LHFPL3: variants seen among roughly 807,000 people sequenced by gnomAD.
LHFPL3 encodes the protein LHFPL tetraspan subfamily member 3, also known as LHFPL tetraspan subfamily member 3 protein.
In LHFPL3, 5 loss-of-function variants were observed where a neutral mutation model predicts 19.3. The observed-to-expected ratio is 0.26, with a 90% CI of 0.14 to 0.54. The LOEUF (loss-of-function observed/expected upper bound fraction) is 0.54. LHFPL3 is among the 20% of genes least tolerant of loss of function. The probability of loss-of-function intolerance (pLI) is 0.94; values close to 1 mark genes in which losing one functional copy is unlikely to be tolerated. For missense variants in LHFPL3, 249 were observed against 307.4 expected (o/e 0.81, Z 1.42); for synonymous variants, 133 against 126.2 (o/e 1.05, Z -0.36).
intron 1 of LHFPL3, among the ~76,000 whole-genome samples, chr7:104,436,928 C>T (rs1458229824): frequency 6.6e-6 from 1 of 152,140 alleles, no homozygotes; most frequent in East Asian, 1.9e-4. Flanking sequence ...TTAGAGGTGA[C>T]ACATACTTTT....
At chr7:104,865,644 A>C (rs1791707017) in intron 2 of LHFPL3, among the ~76,000 whole-genome samples, 1 of 152,200 alleles carries the variant, frequency 6.6e-6, no homozygotes, top group African/African-American at 2.4e-5. Context: ...AAGTTGGAAA[A>C]CACTCTGCAG....
chr7:104,392,872 A>T (rs1451874829), intron 1 of LHFPL3, among the ~76,000 whole-genome samples: 3 of 152,120 alleles, frequency 2.0e-5, no homozygotes, highest in Non-Finnish European at 4.4e-5. Flanking sequence ...CGAGCCTGTT[A>T]TTGGTCTATT....
intron 1 of LHFPL3, among the ~76,000 whole-genome samples, chr7:104,625,440 A>T (rs772643927): frequency 1.2e-4 from 19 of 152,216 alleles, no homozygotes; most frequent in Non-Finnish European, 2.4e-4. Flanking sequence ...CCTCCCACTC[A>T]TGGGCACAAG....
At chr7:104,492,983 G>A (rs1200808800) in intron 1 of LHFPL3, among the ~76,000 whole-genome samples, 1 of 152,076 alleles carries the variant, frequency 6.6e-6, no homozygotes, top group African/African-American at 2.4e-5. Context: ...AAACTTCACT[G>A]TATCTTTCAA....
chr7:104,693,777 G>A (rs1365659446), intron 1 of LHFPL3, among the ~76,000 whole-genome samples: 3 of 143,194 alleles, frequency 2.1e-5, no homozygotes, highest in Admixed American at 7.1e-5. Context: ...CCGCCACCAC[G>A]CCCTGCTAAT....
At chr7:104,530,893 G>A (rs140754391) in intron 1 of LHFPL3, among the ~76,000 whole-genome samples, 164 of 152,282 alleles carry the variant, frequency 1.1e-3, no homozygotes, top group African/African-American at 3.5e-3. Context: ...AGTAATTTAT[G>A]TACACGATAT....
At chr7:104,763,996 T>C (rs1794416297) in intron 2 of LHFPL3, among the ~76,000 whole-genome samples, 1 of 152,212 alleles carries the variant, frequency 6.6e-6, no homozygotes, top group African/African-American at 2.4e-5. Context: ...GCTGTTTGGC[T>C]CTTAATCTGT....
intron 1 of LHFPL3, among the ~76,000 whole-genome samples, chr7:104,536,179 G>T (rs1489046014): frequency 6.6e-6 from 1 of 152,156 alleles, no homozygotes; most frequent in Non-Finnish European, 1.5e-5. Context: ...AGAAGGCATG[G>T]AAGTATATAG....
intron 2 of LHFPL3, among the ~76,000 whole-genome samples, chr7:104,827,045 C>T (rs1790837578): frequency 6.6e-6 from 1 of 151,920 alleles, no homozygotes; most frequent in African/African-American, 2.4e-5. Context: ...GACCCCATCA[C>T]CTATTTTTGC....
At chr7:104,747,751 C>G (rs562593035) in intron 2 of LHFPL3, among the ~76,000 whole-genome samples, 1 of 152,110 alleles carries the variant, frequency 6.6e-6, no homozygotes, top group African/African-American at 2.4e-5. Flanking sequence ...CCACAGCAAG[C>G]CTTATCATTA....
intron 2 of LHFPL3, among the ~76,000 whole-genome samples, chr7:104,871,605 C>A (rs1791839048): frequency 1.3e-5 from 2 of 152,118 alleles, no homozygotes; most frequent in African/African-American, 2.4e-5. Context: ...AACTTTCTGA[C>A]TCTTTTAGAA....
intron 2 of LHFPL3, among the ~76,000 whole-genome samples, chr7:104,764,161 T>C (rs1017142055): frequency 6.6e-6 from 1 of 152,082 alleles, no homozygotes; most frequent in African/African-American, 2.4e-5. Flanking sequence ...ACAGTCCTTT[T>C]TTTGTTTGTT....
At chr7:104,763,121 A>G (rs1794404272) in intron 2 of LHFPL3, among the ~76,000 whole-genome samples, 1 of 152,232 alleles carries the variant, frequency 6.6e-6, no homozygotes. Flanking sequence ...TTCTATAATC[A>G]TCTCATTTCA....
intron 1 of LHFPL3, among the ~76,000 whole-genome samples, chr7:104,354,712 G>A (rs1186941929): frequency 6.6e-6 from 1 of 152,076 alleles, no homozygotes. Context: ...TGAAGGTCAT[G>A]GTCAGGACCC....
At chr7:104,835,655 G>T (rs529732640) in intron 2 of LHFPL3, among the ~76,000 whole-genome samples, 1 of 149,996 alleles carries the variant, frequency 6.7e-6, no homozygotes, top group East Asian at 1.9e-4. Flanking sequence ...AACACACATA[G>T]AATCTGTTTT....
At chr7:104,652,129 C>A (rs1260715240) in intron 1 of LHFPL3, among the ~76,000 whole-genome samples, 1 of 151,784 alleles carries the variant, frequency 6.6e-6, no homozygotes, top group African/African-American at 2.4e-5. Context: ...GGCTTGGGGA[C>A]AAGATGGTGT....
chr7:104,763,374 T>C (rs1178414860), intron 2 of LHFPL3, among the ~76,000 whole-genome samples: 1 of 152,242 alleles, frequency 6.6e-6, no homozygotes, highest in Non-Finnish European at 1.5e-5. Flanking sequence ...TGTTAAGTAC[T>C]GCACTGTTAC....
intron 1 of LHFPL3, among the ~76,000 whole-genome samples, chr7:104,460,318 T>A (rs1298614724): frequency 6.6e-6 from 1 of 152,196 alleles, no homozygotes; most frequent in African/African-American, 2.4e-5. Flanking sequence ...CATTCACATG[T>A]GTGTGTCTTT....
chr7:104,549,271 C>A (rs993261772), intron 1 of LHFPL3, among the ~76,000 whole-genome samples: 2 of 151,358 alleles, frequency 1.3e-5, no homozygotes, highest in African/African-American at 4.9e-5. Flanking sequence ...TGCACACATA[C>A]ATATATATAT....
Sources: allele counts gnomAD v4.1 joint callset (sites outside exome capture counted in the v4.1 genomes callset), GRCh38; gene constraint gnomAD v4.1.1; transcripts MANE v1.5; gene names NCBI Gene and HGNC (gene_info 2026-07-23, HGNC 2026-07-21).